Variants in TRMU observed in about 807,000 individuals in gnomAD.
The protein encoded by TRMU is tRNA mitochondrial 2-thiouridylase.
Under a neutral mutation model 46.9 loss-of-function variants are expected in TRMU, and 49 were observed. The observed-to-expected ratio is 1.05, with a 90% CI of 0.83 to 1.33. The LOEUF (loss-of-function observed/expected upper bound fraction) is 1.33. Among genes scored for constraint, TRMU ranks in the 40% most tolerant of loss-of-function variants. The probability of loss-of-function intolerance (pLI) is 0.00; values close to 1 mark genes in which losing one functional copy is unlikely to be tolerated. For missense variants in TRMU, 572 were observed against 532.4 expected, an observed-to-expected ratio of 1.07 and a Z score of -0.73; for synonymous variants, 241 against 200.9, an observed-to-expected ratio of 1.20 and a Z score of -1.69.
In TRMU at chr22:46,357,003, C is replaced by T. The variant is rs770796290; in HGVS notation, c.1263C>T (p.Leu421=). 1 of 1,613,510 alleles carries T rather than the reference C, an allele frequency of 6.2e-7. No homozygotes were observed. Among genetic ancestry groups the T allele is most frequent in the African/African-American group, 1.3e-5 (1 of 75,076 alleles). ...PEDGPGLSPL[L] ...ATGGTCCAGGCCTGAGTCCCTTGCT[C>T]TGACAGAGATGGATCTGCTAGAAGG... The change falls in exon 11 of 11, where the codon CTC becomes CTT. Residue 421 remains leucine, a synonymous_variant. Transcript: ENST00000645190.
Position 46,348,849 on chromosome 22 carries a change from CTG to C in TRMU, c.479-1441_479-1440del, listed in dbSNP as rs1208467680. ...GTTAGTTTGGGATTGAAAGTGGACTCTGAGGCCAGGTGCGGTGGCTCATGCCT... is the reference window on the plus strand; with the variant it reads ...GTTAGTTTGGGATTGAAAGTGGACTCAGGCCAGGTGCGGTGGCTCATGCCT... On this transcript the variant is annotated intron_variant, in intron 4 of 10. Coordinates refer to ENST00000645190, the MANE Select transcript of TRMU (RefSeq NM_018006.5). The surrounding 1 kb of genome is among the most constrained non-coding windows in gnomAD (Gnocchi z 4.8). Among the ~76,000 whole-genome samples, 3 of 152,142 alleles carry C rather than the reference CTG, an allele frequency of 2.0e-5. No individual in the cohort carries two copies. Among genetic ancestry groups the C allele is most frequent in the African/African-American group, 7.2e-5 (3 of 41,426 alleles).
rs1267756539 is a variant in TRMU at position 46,349,754 on chromosome 22, A to G, written c.479-537A>G. Reference sequence around the variant, plus strand: ...GTCAGCTGAGACTCTCAACAAAAAAACGTTTTTACCAAGAAAGCTAATGCC... The same window carrying G: ...GTCAGCTGAGACTCTCAACAAAAAAGCGTTTTTACCAAGAAAGCTAATGCC... On this transcript the variant is annotated intron_variant, in intron 4 of 10. Transcript: ENST00000645190. The surrounding 1 kb of genome is among the most constrained non-coding windows in gnomAD (Gnocchi z 4.6). Among the ~76,000 whole-genome samples the G allele has an allele frequency of 1.3e-5, 2 of 152,206 alleles. No individual in the cohort carries two copies. The highest frequency in any genetic ancestry group is 6.5e-5 in the Admixed American group (1 of 15,284).
chr22:46,351,367 G>A lies in TRMU; in HGVS notation c.652-754G>A, dbSNP rs562125579. Among the ~76,000 whole-genome samples, 3 of 152,190 alleles carry A rather than the reference G, an allele frequency of 2.0e-5. No individual in the cohort carries two copies. Among genetic ancestry groups the A allele is most frequent in the Admixed American group, 6.5e-5 (1 of 15,284 alleles). ...TGTTGGCGGAACTAGGATGAAGCCC[G>A]TGGGAGGGCCTTGGGGATGGAGGGC... On this transcript the variant is annotated intron_variant, in intron 5 of 10. Coordinates refer to ENST00000645190, the MANE Select transcript of TRMU (RefSeq NM_018006.5). The surrounding 1 kb of genome is among the most constrained non-coding windows in gnomAD (Gnocchi z 6.4).
Position 46,352,734 on chromosome 22 carries a change from C to T in TRMU, c.772+404C>T, listed in dbSNP as rs545482929. The T allele has an allele frequency of 2.1e-4, 72 of 344,412 alleles. 1 individual carries two copies. Among genetic ancestry groups the T allele is most frequent in the Non-Finnish European group, 3.8e-4 (66 of 175,940 alleles). 21.3% of individuals were successfully genotyped at this position (344,412 alleles called of 1,614,324 possible). On this transcript the variant is annotated intron_variant, in intron 7 of 10. Coordinates refer to ENST00000645190, the MANE Select transcript of TRMU (RefSeq NM_018006.5). The stretch of plus-strand genomic sequence containing the variant: ...GTGAATGATTAAGGACCACATGCAG[C>T]GATGGGATCAGGCGTCCGCGCTGGC...
At chr22:46,355,419 C>T (rs758728016) in intron 8 of TRMU, 25 bp from the exon 9 acceptor site, 2 of 1,611,590 alleles carry the variant, frequency 1.2e-6, no homozygotes, top group South Asian at 2.2e-5. Flanking sequence ...CCTCGGCGTC[C>T]CCACCTTCAC....
In TRMU at chr22:46,357,215, G is replaced by A. The variant is rs1487684243; in HGVS notation, c.*209G>A. The A allele has an allele frequency of 1.5e-6, 1 of 675,510 alleles. No homozygotes were observed. The highest frequency in any genetic ancestry group is 2.8e-5 in the Admixed American group (1 of 36,294). 41.8% of individuals were successfully genotyped at this position (675,510 alleles called of 1,614,324 possible). A position where few individuals can be genotyped will look rare whatever the true frequency, so the allele number is the denominator to read the frequency against. On this transcript the variant is annotated 3_prime_UTR_variant, in exon 11 of 11. Transcript: ENST00000645190. ...GGCTCTGGCTGCTGGAGCATCTGCT[G>A]GCTGGTGGGGTGGCCCGAGTTCCCC...
chr22:46,336,625 G>A lies in TRMU; in HGVS notation c.82+779G>A, dbSNP rs1204811603. 6.6e-6 allele frequency: 1 copy of A among 152,334 alleles called. No homozygotes were observed. The highest frequency in any genetic ancestry group is 1.5e-5 in the Non-Finnish European group (1 of 68,142). 9.4% of individuals were successfully genotyped at this position (152,334 alleles called of 1,614,324 possible). Reference sequence around the variant, plus strand: ...CACGGGGTGACTGGAGGGATTAGATGACATAGTACATACTGATGAGTACGT... The same window carrying A: ...CACGGGGTGACTGGAGGGATTAGATAACATAGTACATACTGATGAGTACGT... On this transcript the variant is annotated intron_variant, in intron 1 of 10. Coordinates refer to ENST00000645190, the MANE Select transcript of TRMU (RefSeq NM_018006.5). This position sits in a 1 kb window ranked among gnomAD's most constrained non-coding sequence, Gnocchi z 4.1.
chr22:46,352,657 T>G (rs754323114), intron 7 of TRMU: 29 of 424,744 alleles, frequency 6.8e-5, no homozygotes, highest in Middle Eastern at 7.1e-4. Flanking sequence ...AATGTTAAAC[T>G]ACACAAAACT....
rs2078356070 is a variant in TRMU at position 46,349,731 on chromosome 22, C to T, written c.479-560C>T. On this transcript the variant is annotated intron_variant, in intron 4 of 10. Coordinates refer to ENST00000645190, the MANE Select transcript of TRMU (RefSeq NM_018006.5). The surrounding 1 kb of genome is among the most constrained non-coding windows in gnomAD (Gnocchi z 4.6). ...AACTGCAGGGTCACCTAACAGATGT[C>T]AGCTGAGACTCTCAACAAAAAAACG... Among the ~76,000 whole-genome samples, 1 of 152,206 alleles carries T rather than the reference C, an allele frequency of 6.6e-6. No individual in the cohort carries two copies. Among genetic ancestry groups the T allele is most frequent in the Non-Finnish European group, 1.5e-5 (1 of 68,034 alleles).
chr22:46,335,736 T>A lies in TRMU; in HGVS notation c.-29T>A. The A allele has an allele frequency of 6.5e-7, 1 of 1,542,814 alleles. No homozygotes were observed. On this transcript the variant is annotated 5_prime_UTR_variant, in exon 1 of 11. Transcript: ENST00000645190. Reference sequence around the variant, plus strand: ...GGCAAGGCGCGGAAGCGGCGGTAGCTGCAGCTGGCGAAGTTGGGCGACTGG... The same window carrying A: ...GGCAAGGCGCGGAAGCGGCGGTAGCAGCAGCTGGCGAAGTTGGGCGACTGG...
chr22:46,341,828 C>G (rs1476871686), intron 2 of TRMU, among the ~76,000 whole-genome samples: 2 of 152,124 alleles, frequency 1.3e-5, no homozygotes, highest in Admixed American at 6.5e-5. Context: ...CAAGAGTTTG[C>G]TAGTTCTCAG....
Position 46,350,405 on chromosome 22 carries a change from A to C in TRMU, c.593A>C (p.Glu198Ala). The C allele has an allele frequency of 6.2e-7, 1 of 1,614,186 alleles. No homozygotes were observed. The highest frequency in any genetic ancestry group is 8.5e-7 in the Non-Finnish European group (1 of 1,180,044). ...TTCCCTCTGGGGGGATTAACGAAAG[A>C]GTTTGTAAAGAAAATCGCTGCTGAG... ...TIFPLGGLTK[E>A]FVKKIAAENR... is the part of the protein sequence containing the mutation. Residue 198 changes from glutamate to alanine, a missense_variant, in exon 5 of 11, where the codon GAG becomes GCG. Physicochemically the swap from Glu to Ala is moderately radical, Grantham distance 107. Coordinates refer to ENST00000645190, the MANE Select transcript of TRMU (RefSeq NM_018006.5). The surrounding 1 kb of genome is among the most constrained non-coding windows in gnomAD (Gnocchi z 4.6).
rs2077968640 is a variant in TRMU at position 46,336,098 on chromosome 22, C to T, written c.82+252C>T. The T allele has an allele frequency of 7.3e-7, 1 of 1,371,180 alleles. No homozygotes were observed. The highest frequency in any genetic ancestry group is 9.4e-7 in the Non-Finnish European group (1 of 1,065,780). 84.9% of individuals were successfully genotyped at this position (1,371,180 alleles called of 1,614,324 possible). On this transcript the variant is annotated intron_variant, in intron 1 of 10. Transcript: ENST00000645190. This position sits in a 1 kb window ranked among gnomAD's most constrained non-coding sequence, Gnocchi z 4.1. ...CGCGCCCCTCTCCACCCACGCGCGC[C>T]CACCCACAGTGAGAAGCCGGCGGGC...
In TRMU at chr22:46,342,410, A is replaced by G. The variant is rs563378110; in HGVS notation, c.249-852A>G. 2.0e-5 allele frequency among the ~76,000 whole-genome samples: 3 copies of G among 152,338 alleles called. No homozygotes were observed. In the East Asian group the frequency reaches 5.8e-4, roughly 29 times the overall value. The stretch of plus-strand genomic sequence containing the variant: ...TGGGGACCACCCTCCAGGAGCCTCC[A>G]CAAGTGTAGCTGTGCAGAAGCTCTC... On this transcript the variant is annotated intron_variant, in intron 2 of 10. Coordinates refer to ENST00000645190, the MANE Select transcript of TRMU (RefSeq NM_018006.5). The surrounding 1 kb of genome is among the most constrained non-coding windows in gnomAD (Gnocchi z 4.7).
chr22:46,346,513 G>A lies in TRMU; in HGVS notation c.447G>A (p.Gly149=). 1 of 1,612,918 alleles carries A rather than the reference G, an allele frequency of 6.2e-7. No individual in the cohort carries two copies. Among genetic ancestry groups the A allele is most frequent in the Non-Finnish European group, 8.5e-7 (1 of 1,179,206 alleles). ...AGAAGCACGTTAAGAAGCCCGAAGGGCTTTTCAGAAATCGGTTTGAAGTTA... is the reference window on the plus strand; with the variant it reads ...AGAAGCACGTTAAGAAGCCCGAAGGACTTTTCAGAAATCGGTTTGAAGTTA... ...FEQKHVKKPE[G]LFRNRFEVRN... Residue 149 remains glycine (G), a synonymous_variant, in exon 4 of 11, where the codon GGG becomes GGA. Transcript: ENST00000645190.
chr22:46,340,623 C>A, intron 2 of TRMU, among the ~76,000 whole-genome samples: 1 of 130,606 alleles, frequency 7.7e-6, no homozygotes, highest in East Asian at 2.3e-4. Flanking sequence ...GGGATTAAAC[C>A]CCAGAATTAG....
rs1056976013 is a variant in TRMU, at chr22:46,351,338, G to A, written c.652-783G>A. Reference sequence around the variant, plus strand: ...AACTCGTCTCAAAAAGAGAGAACCCGGAGTGTTGGCGGAACTAGGATGAAG... The same window carrying A: ...AACTCGTCTCAAAAAGAGAGAACCCAGAGTGTTGGCGGAACTAGGATGAAG... On this transcript the variant is annotated intron_variant, in intron 5 of 10. Coordinates refer to ENST00000645190, the MANE Select transcript of TRMU (RefSeq NM_018006.5). This position sits in a 1 kb window ranked among gnomAD's most constrained non-coding sequence, Gnocchi z 6.4. Among the ~76,000 whole-genome samples, 16 of 152,170 alleles carry A rather than the reference G, an allele frequency of 1.1e-4. No homozygotes were observed. The highest frequency in any genetic ancestry group is 2.2e-4 in the Non-Finnish European group (15 of 68,028).
intron 7 of TRMU, chr22:46,352,761 A>G (rs756877226): frequency 6.1e-6 from 2 of 329,558 alleles, no homozygotes; most frequent in East Asian, 7.6e-5. Context: ...CGCGCTGGCC[A>G]GAGTGCTGCT....
In TRMU at chr22:46,336,022, G is replaced by C. The variant is rs2077965929; in HGVS notation, c.82+176G>C. 4 of 1,436,266 alleles carry C rather than the reference G, an allele frequency of 2.8e-6. No individual in the cohort carries two copies. The highest frequency in any genetic ancestry group is 1.4e-5 in the South Asian group (1 of 69,488). The allele number at this position is 1,436,266 out of a possible 1,614,324, so 89.0% of individuals were successfully genotyped here. On this transcript the variant is annotated intron_variant, in intron 1 of 10. Transcript: ENST00000645190. The surrounding 1 kb of genome is among the most constrained non-coding windows in gnomAD (Gnocchi z 4.1). ...TTCGGAGGCTCCTCGCCCTCCACCT[G>C]TGTAGTCGGAGGTGTGCGCGACTGC...
Sources: gnomAD v4.1 joint callset for allele counts (sites outside exome capture counted in the v4.1 genomes callset) on GRCh38, gnomAD v4.1.1 for gene constraint, Gnocchi (gnomAD v3.1) non-coding constraint, MANE v1.5 for transcripts, NCBI Gene and HGNC (gene_info 2026-07-23, HGNC 2026-07-21) for gene names.